ENPEP: variants seen among roughly 807,000 people sequenced by gnomAD.
The protein encoded by ENPEP is AP-A.
A neutral mutation model predicts 114.5 loss-of-function variants in ENPEP; 103 were observed. The observed-to-expected ratio is 0.90, with a 90% CI of 0.77 to 1.06. The LOEUF (loss-of-function observed/expected upper bound fraction) is 1.06. Among genes scored for constraint, ENPEP ranks in the 50% least tolerant of loss-of-function variants. ENPEP has a pLI of 0.00. For synonymous variants in ENPEP, 420 were observed against 422.0 expected (o/e 1.00, Z 0.06); for missense variants, 1,196 against 1,161.3 (o/e 1.03, Z -0.43).
At position 110,542,824 on chromosome 4, in the gene ENPEP, T is replaced by A; in HGVS notation, c.1881T>A (p.Tyr627Ter). The change falls in exon 12 of 20, where the codon TAT (tyrosine) becomes TAA (stop). Residue 627 changes from tyrosine (Y) to a stop codon, truncating the protein, a stop_gained. Transcript: ENST00000265162. LOFTEE classifies it high-confidence loss of function. ...LKINPDHIGF[Y>*]RVNYEVATWD... is the part of the protein sequence containing the mutation. ...TAAACCCAGATCATATTGGGTTTTA[T>A]CGTGTAAATTATGAAGTAGCAACTT... 1.9e-6 allele frequency: 3 copies of A among 1,613,284 alleles called. No individual in the cohort carries two copies. Among genetic ancestry groups the A allele is most frequent in the Non-Finnish European group, 2.5e-6 (3 of 1,179,452 alleles).
At chr4:110,521,691 G>A (rs964009125) in intron 10 of ENPEP, among the ~76,000 whole-genome samples, 2 of 151,954 alleles carry the variant, frequency 1.3e-5, no homozygotes, top group African/African-American at 4.8e-5. Flanking sequence ...TCTTAGAAAG[G>A]ACAAATTGAG....
chr4:110,523,168 T>C (rs1726069663), intron 10 of ENPEP, among the ~76,000 whole-genome samples: 1 of 152,022 alleles, frequency 6.6e-6, no homozygotes, highest in African/African-American at 2.4e-5. Flanking sequence ...ATCCGTTTGG[T>C]CAACTATAAA....
At chr4:110,483,818 T>C (rs1236549434) in intron 1 of ENPEP, among the ~76,000 whole-genome samples, 1 of 152,226 alleles carries the variant, frequency 6.6e-6, no homozygotes, top group Non-Finnish European at 1.5e-5. Context: ...CTGATTTTAA[T>C]CACTGAATAA....
rs1251090524 is a variant in ENPEP, at chr4:110,476,557, A to C, written c.143A>C (p.Asp48Ala). Reference sequence around the variant, plus strand: ...ACCAGATCGTGTGACTCCAGCGGGGACGGCGGGCCGGGCACTGCGCCAGCT... The same window carrying C: ...ACCAGATCGTGTGACTCCAGCGGGGCCGGCGGGCCGGGCACTGCGCCAGCT... ...GLTRSCDSSGDGGPGTAPAPS... is the reference protein window; with the variant it reads ...GLTRSCDSSGAGGPGTAPAPS... The change falls in exon 1 of 20, where the codon GAC (aspartate) becomes GCC (alanine). Residue 48 changes from aspartate to alanine, a missense_variant. Physicochemically the swap from Asp to Ala is moderately radical, Grantham distance 126. Coordinates refer to ENST00000265162, the MANE Select transcript of ENPEP (RefSeq NM_001977.4). 4.3e-6 allele frequency: 7 copies of C among 1,612,596 alleles called. No individual in the cohort carries two copies. Among genetic ancestry groups the C allele is most frequent in the Non-Finnish European group, 5.9e-6 (7 of 1,179,104 alleles).
chr4:110,520,696 A>ACAAATACTGCTTTCCTCAGTAAAG (rs1204101890), intron 10 of ENPEP, among the ~76,000 whole-genome samples: 1 of 152,212 alleles, frequency 6.6e-6, no homozygotes, highest in African/African-American at 2.4e-5. Flanking sequence ...AAGGAGAAAT[A>ACAAATACTGCTTTCCTCAGTAAAG]CAGACTGAGG....
chr4:110,561,480 G>A lies in ENPEP; in HGVS notation c.2796G>A (p.Val932=). The change falls in exon 20 of 20, where the codon GTG becomes GTA. Residue 932 remains valine (V), a synonymous_variant. Transcript: ENST00000265162. ...EKPREQVLET[V]KNNIEWLKQH... ...CTAGGGAACAAGTGCTGGAAACAGT[G>A]AAAAACAATATAGAGTGGCTAAAAC... The A allele has an allele frequency of 6.2e-7, 1 of 1,613,996 alleles. No homozygotes were observed. The highest frequency in any genetic ancestry group is 8.5e-7 in the Non-Finnish European group (1 of 1,179,944).
intron 3 of ENPEP, chr4:110,506,280 T>C (rs189074150): frequency 2.1e-3 from 355 of 168,830 alleles, no homozygotes; most frequent in Non-Finnish European, 3.0e-3. Context: ...GATGGATGAA[T>C]AGATAAATTC....
intron 4 of ENPEP, 134 bp downstream of exon 4, chr4:110,506,891 T>G (rs905843472): frequency 1.5e-5 from 13 of 873,848 alleles, no homozygotes; most frequent in Admixed American, 3.2e-5. Context: ...CGACAATATC[T>G]TGGGCTCAAG....
intron 3 of ENPEP, among the ~76,000 whole-genome samples, chr4:110,494,242 G>A (rs1234806885): frequency 2.0e-5 from 3 of 152,112 alleles, no homozygotes; most frequent in African/African-American, 4.8e-5. Flanking sequence ...TATAGCTTCC[G>A]ATCCTTATGT....
intron 11 of ENPEP, among the ~76,000 whole-genome samples, chr4:110,539,637 A>T (rs1726777321): frequency 6.6e-6 from 1 of 152,050 alleles, no homozygotes; most frequent in Non-Finnish European, 1.5e-5. Context: ...CAGTCCTCCT[A>T]TCTTGGCCTC....
chr4:110,511,671 C>T (rs1309065595), intron 6 of ENPEP, among the ~76,000 whole-genome samples: 6 of 152,062 alleles, frequency 3.9e-5, no homozygotes, highest in African/African-American at 1.5e-4. Flanking sequence ...GGCTAAATTC[C>T]AGAAGAATTT....
intron 11 of ENPEP, among the ~76,000 whole-genome samples, chr4:110,540,781 T>C (rs1726818410): frequency 6.6e-6 from 1 of 152,172 alleles, no homozygotes; most frequent in African/African-American, 2.4e-5. Context: ...TTCATTATAA[T>C]GGGGATAGCT....
At chr4:110,543,668 G>A (rs1282066645) in intron 13 of ENPEP, among the ~76,000 whole-genome samples, 1 of 151,568 alleles carries the variant, frequency 6.6e-6, no homozygotes, top group Non-Finnish European at 1.5e-5. Flanking sequence ...AATTCACATA[G>A]TCTAACACCA....
chr4:110,529,332 T>A (rs1189381308), intron 10 of ENPEP, among the ~76,000 whole-genome samples: 1 of 152,188 alleles, frequency 6.6e-6, no homozygotes, highest in Non-Finnish European at 1.5e-5. Context: ...ATCTTAGGAA[T>A]GTTCTTTGTC....
chr4:110,507,632 T>A (rs1725420049), intron 4 of ENPEP, among the ~76,000 whole-genome samples: 1 of 152,242 alleles, frequency 6.6e-6, no homozygotes, highest in African/African-American at 2.4e-5. Context: ...TTTTGATTGC[T>A]TAACAAATGT....
chr4:110,505,819 C>T (rs1322667312), intron 3 of ENPEP, among the ~76,000 whole-genome samples: 2 of 152,140 alleles, frequency 1.3e-5, no homozygotes, highest in Non-Finnish European at 2.9e-5. Flanking sequence ...TGAGAAATGC[C>T]TAAACACCTG....
chr4:110,514,455 A>C (rs1725687709), intron 7 of ENPEP, among the ~76,000 whole-genome samples: 1 of 152,010 alleles, frequency 6.6e-6, no homozygotes. Context: ...CTTTGATATT[A>C]TGAATGATTC....
intron 1 of ENPEP, among the ~76,000 whole-genome samples, chr4:110,479,591 A>G (rs879356850): frequency 1.3e-5 from 2 of 152,132 alleles, no homozygotes; most frequent in African/African-American, 2.4e-5. Context: ...TTCCACCAAC[A>G]ATGTATGAAA....
chr4:110,514,778 C>T (rs1725699433), intron 7 of ENPEP, among the ~76,000 whole-genome samples: 1 of 151,850 alleles, frequency 6.6e-6, no homozygotes, highest in Non-Finnish European at 1.5e-5. Flanking sequence ...CAGTACTAAC[C>T]TTATAACACA....
Sources: allele counts gnomAD v4.1 joint callset (sites outside exome capture counted in the v4.1 genomes callset), GRCh38; gene constraint gnomAD v4.1.1; transcripts MANE v1.5; gene names NCBI Gene and HGNC (gene_info 2026-07-23, HGNC 2026-07-21).